The following ARHGAP19 variants were observed in gnomAD, a reference collection of about 807,000 sequenced individuals.
ARHGAP19 encodes Rho GTPase activating protein 19, also known as rho GTPase-activating protein 19.
ARHGAP19 carries 48 observed loss-of-function variants against 60.9 expected under a neutral mutation model. That is an observed-to-expected ratio of 0.79 (90% CI 0.62 to 1.00). The LOEUF (loss-of-function observed/expected upper bound fraction) is 1.00, where lower values mean the gene tolerates loss of function less well. Ranked by LOEUF, ARHGAP19 falls within the 50% of genes least tolerant of loss-of-function variation. The pLI, the probability that ARHGAP19 is intolerant of heterozygous loss-of-function variation, is 0.00. For synonymous variants in ARHGAP19, 209 were observed against 215.5 expected (o/e 0.97, Z 0.27); for missense variants, 562 against 597.2 (o/e 0.94, Z 0.61).
chr10:97,237,263 C>CA (rs367997995), intron 8 of ARHGAP19, among the ~76,000 whole-genome samples: 101,774 of 119,036 alleles, frequency 0.85, 44,249 homozygotes, highest in East Asian at 0.99. Context: ...GACCTTGTCT[C>CA]AAAAAAAAAA....
At chr10:97,239,770 T>A (rs1370489413) in intron 8 of ARHGAP19, among the ~76,000 whole-genome samples, 1 of 151,840 alleles carries the variant, frequency 6.6e-6, no homozygotes, top group Non-Finnish European at 1.5e-5. Context: ...TGCAATGGCA[T>A]GACCTCGGCT....
chr10:97,246,770 G>C (rs1473595237), intron 6 of ARHGAP19, among the ~76,000 whole-genome samples: 2 of 152,184 alleles, frequency 1.3e-5, no homozygotes, highest in African/African-American at 2.4e-5. Flanking sequence ...GGAGGCAGAA[G>C]CAGGAGGATG....
At chr10:97,267,036 A>G (rs1378787315) in intron 1 of ARHGAP19, among the ~76,000 whole-genome samples, 3 of 152,218 alleles carry the variant, frequency 2.0e-5, no homozygotes, top group African/African-American at 7.2e-5. Flanking sequence ...CATTAACTCA[A>G]AAGTCCACAG....
intron 1 of ARHGAP19, among the ~76,000 whole-genome samples, chr10:97,268,613 T>A (rs1842926838): frequency 6.6e-6 from 1 of 152,190 alleles, no homozygotes; most frequent in Non-Finnish European, 1.5e-5. Context: ...AAGGTATGTC[T>A]TACGTGGCAG....
intron 6 of ARHGAP19, among the ~76,000 whole-genome samples, chr10:97,247,314 A>G (rs758383225): frequency 3.9e-5 from 6 of 152,088 alleles, no homozygotes; most frequent in Admixed American, 2.0e-4. Context: ...TGTCTCAAAA[A>G]AGAAAGAAAG....
At chr10:97,231,428 C>G (rs1455604732) in intron 9 of ARHGAP19, among the ~76,000 whole-genome samples, 1 of 152,132 alleles carries the variant, frequency 6.6e-6, no homozygotes, top group African/African-American at 2.4e-5. Flanking sequence ...TCCTCCCAAA[C>G]AGAAATACTG....
intron 2 of ARHGAP19, 133 bp from the exon 3 acceptor site, chr10:97,265,039 G>A (rs1356030469): frequency 9.0e-6 from 6 of 663,554 alleles, no homozygotes; most frequent in South Asian, 5.7e-5. Context: ...AAAAACCTTA[G>A]AACTGGAAGT....
chr10:97,284,737 G>A (rs1483544352), intron 1 of ARHGAP19, among the ~76,000 whole-genome samples: 1 of 150,280 alleles, frequency 6.7e-6, no homozygotes, highest in Non-Finnish European at 1.5e-5. Flanking sequence ...AAACTCCTGG[G>A]CTCAAGTGAT....
chr10:97,230,860 G>GT (rs778204088), intron 9 of ARHGAP19, among the ~76,000 whole-genome samples: 94 of 152,060 alleles, frequency 6.2e-4, no homozygotes, highest in Non-Finnish European at 1.3e-3. Context: ...GAGGCCAGGA[G>GT]TTTGAGACCA....
At chr10:97,255,622 T>C (rs1040158599) in intron 6 of ARHGAP19, among the ~76,000 whole-genome samples, 7 of 152,050 alleles carry the variant, frequency 4.6e-5, no homozygotes, top group African/African-American at 1.2e-4. Flanking sequence ...CAAGGAAGTA[T>C]ACACTAAAGA....
chr10:97,244,223 C>CA, intron 7 of ARHGAP19, 64 bp from the exon 8 acceptor site: 1 of 1,407,794 alleles, frequency 7.1e-7, no homozygotes, highest in Non-Finnish European at 9.7e-7. Flanking sequence ...GGGGTTCTTA[C>CA]AAAAACCTGG....
intron 9 of ARHGAP19, among the ~76,000 whole-genome samples, chr10:97,231,979 G>GTTT (rs142111578): frequency 1.2e-4 from 13 of 107,842 alleles, no homozygotes; most frequent in African/African-American, 2.9e-4. Flanking sequence ...ATTTTCCGTT[G>GTTT]TTTTTTTTTT....
chr10:97,258,952 C>A (rs1379969305), intron 5 of ARHGAP19, among the ~76,000 whole-genome samples: 1 of 152,140 alleles, frequency 6.6e-6, no homozygotes, highest in East Asian at 1.9e-4. Flanking sequence ...AAAGTCAGGA[C>A]AAGGCAGGAT....
intron 5 of ARHGAP19, among the ~76,000 whole-genome samples, chr10:97,257,009 T>C (rs1011855521): frequency 1.8e-4 from 28 of 152,010 alleles, no homozygotes; most frequent in African/African-American, 6.8e-4. Context: ...TAGTCCCAGC[T>C]ACTCGGGAGG....
At chr10:97,266,704 G>A (rs1388872250) in intron 1 of ARHGAP19, among the ~76,000 whole-genome samples, 1 of 152,184 alleles carries the variant, frequency 6.6e-6, no homozygotes, top group African/African-American at 2.4e-5. Context: ...AATCATGGCA[G>A]AAGGCGAAAG....
At chr10:97,229,919 A>G (rs756710117) in intron 9 of ARHGAP19, 45 bp from the exon 10 acceptor site, 3 of 1,359,106 alleles carry the variant, frequency 2.2e-6, no homozygotes, top group Non-Finnish European at 3.1e-6. Context: ...CACCTACTGC[A>G]TCTACAGTGG....
intron 11 of ARHGAP19, among the ~76,000 whole-genome samples, chr10:97,228,004 T>C (rs565951587): frequency 7.9e-5 from 12 of 152,192 alleles, no homozygotes; most frequent in Non-Finnish European, 1.5e-4. Context: ...AAAAATAACT[T>C]ATGCTTGGTT....
At chr10:97,257,279 A>G (rs1004990582) in intron 5 of ARHGAP19, among the ~76,000 whole-genome samples, 7 of 134,018 alleles carry the variant, frequency 5.2e-5, no homozygotes, top group African/African-American at 1.9e-4. Flanking sequence ...TTGCTTTTAA[A>G]TACTTTTTTT....
chr10:97,264,195 T>C (rs949976458), intron 3 of ARHGAP19, among the ~76,000 whole-genome samples: 4 of 152,210 alleles, frequency 2.6e-5, no homozygotes, highest in Non-Finnish European at 5.9e-5. Flanking sequence ...CTCACGCCTA[T>C]AATCTCAGCA....
Sources: allele counts gnomAD v4.1 joint callset (sites outside exome capture counted in the v4.1 genomes callset), GRCh38; gene constraint gnomAD v4.1.1; transcripts MANE v1.5; gene names NCBI Gene and HGNC (gene_info 2026-07-23, HGNC 2026-07-21).